The following SLC12A7 variants were observed in gnomAD, a reference collection of about 807,000 sequenced individuals.
SLC12A7 encodes the protein solute carrier family 12 member 7, also known as K-Cl cotransporter 4.
Under a neutral mutation model 120.6 loss-of-function variants are expected in SLC12A7, and 100 were observed. The ratio of observed to expected loss-of-function variants is 0.83; its 90% CI spans 0.71 to 0.98. The LOEUF is 0.98. Among genes scored for constraint, SLC12A7 ranks in the 50% least tolerant of loss-of-function variants. The probability of loss-of-function intolerance (pLI) is 0.00; values close to 1 mark genes in which losing one functional copy is unlikely to be tolerated. For missense variants in SLC12A7, 1,373 were observed against 1,548.1 expected, an observed-to-expected ratio of 0.89 and a Z score of 1.90; for synonymous variants, 760 against 678.0, an observed-to-expected ratio of 1.12 and a Z score of -1.88.
At chr5:1,115,652 A>T (rs1193870335), upstream of SLC12A7, among the ~76,000 whole-genome samples, 2 of 152,156 alleles carry the variant, frequency 1.3e-5, no homozygotes, top group Non-Finnish European at 2.9e-5. Context: ...CTCCGTGTCC[A>T]GGGAAGGGGA....
intron 9 of SLC12A7, among the ~76,000 whole-genome samples, 168 bp from the exon 10 acceptor site, chr5:1,079,664 G>A (rs1738784988): frequency 6.6e-6 from 1 of 152,196 alleles, no homozygotes; most frequent in Non-Finnish European, 1.5e-5. Flanking sequence ...TACTGCGGCT[G>A]AGGGGATGCG....
chr5:1,085,886 G>A (rs144383840), intron 6 of SLC12A7, among the ~76,000 whole-genome samples: 1,748 of 152,326 alleles, frequency 0.011, 31 homozygotes, highest in African/African-American at 0.035. Flanking sequence ...CAGAGAGCTC[G>A]GCCCACCCCG....
chr5:1,092,839 A>C (rs1350317496), intron 3 of SLC12A7, among the ~76,000 whole-genome samples: 1 of 152,132 alleles, frequency 6.6e-6, no homozygotes, highest in Non-Finnish European at 1.5e-5. Flanking sequence ...GCACCCCCAC[A>C]GCGAGGACCT....
At chr5:1,065,755 A>AGTT (rs1380682615) in intron 17 of SLC12A7, among the ~76,000 whole-genome samples, 13 of 152,230 alleles carry the variant, frequency 8.5e-5, no homozygotes, top group Admixed American at 2.6e-4. Context: ...AACGCCAGGC[A>AGTT]GTTCTCTGAG....
chr5:1,078,504 A>C (rs1738618819), intron 11 of SLC12A7, 197 bp downstream of exon 11: 1 of 630,474 alleles, frequency 1.6e-6, no homozygotes, highest in African/African-American at 1.8e-5. Context: ...TTGGCTCTGA[A>C]CGGTTCCCCA....
Position 1,083,873 on chromosome 5 carries a change from G to A in SLC12A7, c.1001C>T (p.Ala334Val), listed in dbSNP as rs765281260. 1.2e-6 allele frequency: 2 copies of A among 1,608,206 alleles called. No individual in the cohort carries two copies. Among genetic ancestry groups the A allele is most frequent in the East Asian group, 2.2e-5 (1 of 44,796 alleles). Reference sequence around the variant, plus strand: ...GAAGAGGCCCCAGAGCGCGGAGGTGGCTGAGTTGTTGTGGATGCCGTAGGC... The same window carrying A: ...GAAGAGGCCCCAGAGCGCGGAGGTGACTGAGTTGTTGTGGATGCCGTAGGC... ...VKAYGIHNNS[A>V]TSALWGLFCN... The change falls in exon 8 of 24, where the codon GCC becomes GTC. Residue 334 changes from alanine to valine, a missense_variant. Transcript: ENST00000264930.
At chr5:1,133,668 C>T in the SLC12A7 span, among the ~76,000 whole-genome samples, 13 of 152,284 alleles carry the variant, frequency 8.5e-5, no homozygotes, top group South Asian at 6.2e-4. Flanking sequence ...CTGTCAGAGA[C>T]GGGAGGCTGG....
At chr5:1,118,027 G>C in the SLC12A7 span, among the ~76,000 whole-genome samples, 4 of 152,186 alleles carry the variant, frequency 2.6e-5, no homozygotes, top group African/African-American at 9.7e-5. Flanking sequence ...AGTGAGCTGA[G>C]AGCACGCCAC....
rs759199235 is a variant in SLC12A7, at chr5:1,052,264, G to C, written c.*96C>G. 1 of 1,031,894 alleles carries C rather than the reference G, an allele frequency of 9.7e-7. No individual in the cohort carries two copies. The highest frequency in any genetic ancestry group is 1.3e-5 in the South Asian group (1 of 78,208). 63.9% of individuals were successfully genotyped at this position (1,031,894 alleles called of 1,614,324 possible). On this transcript the variant is annotated 3_prime_UTR_variant, in exon 24 of 24. Transcript: ENST00000264930. ...CTTGGGCGGCATCACTGGGGGACAG[G>C]TGTGTCTGCCGTCTGTTTCCCTGGG... is the stretch of plus-strand genomic sequence containing the variant.
chr5:1,123,642 G>A, the SLC12A7 span, among the ~76,000 whole-genome samples: 5 of 152,240 alleles, frequency 3.3e-5, no homozygotes, highest in Admixed American at 6.5e-5. Flanking sequence ...CTGAGGGGCC[G>A]GGGGCCGCGG....
At chr5:1,066,742 C>A (rs538445157) in intron 17 of SLC12A7, among the ~76,000 whole-genome samples, 9 of 152,174 alleles carry the variant, frequency 5.9e-5, no homozygotes, top group Non-Finnish European at 1.5e-5. Context: ...GAAGAGACTG[C>A]GTGGAGGCAC....
chr5:1,110,524 T>A (rs1462680754), intron 1 of SLC12A7, among the ~76,000 whole-genome samples: 2 of 152,188 alleles, frequency 1.3e-5, no homozygotes, highest in Non-Finnish European at 2.9e-5. Context: ...ACTTACAGTC[T>A]AAAGACAAAA....
chr5:1,091,725 G>A (rs62331218), intron 3 of SLC12A7, among the ~76,000 whole-genome samples: 3,103 of 150,702 alleles, frequency 0.021, 31 homozygotes, highest in Middle Eastern at 0.041. Flanking sequence ...ATTCCGCGGC[G>A]TCCACGTGCG....
rs769924000 is a variant in SLC12A7 at position 1,076,850 on chromosome 5, C to A, written c.1630-38G>T. 4 of 1,387,262 alleles carry A rather than the reference C, an allele frequency of 2.9e-6. No homozygotes were observed. In the South Asian group the frequency reaches 4.6e-5, roughly 16 times the overall value. The allele number at this position is 1,387,262 out of a possible 1,614,324, so 85.9% of individuals were successfully genotyped here. A position where few individuals can be genotyped will look rare whatever the true frequency, so the allele number is the denominator to read the frequency against. On this transcript the variant is annotated intron_variant, in intron 12 of 23. Coordinates refer to ENST00000264930, the MANE Select transcript of SLC12A7 (RefSeq NM_006598.3). ...GGGCAGGAAGATGGGGCAGATGACA[C>A]CACCCTTTTAGGAGAGAAGCTGCAG...
intron 12 of SLC12A7, among the ~76,000 whole-genome samples, chr5:1,077,193 GTGTGCC>G (rs1738453628): frequency 6.6e-6 from 1 of 152,198 alleles, no homozygotes; most frequent in Non-Finnish European, 1.5e-5. Flanking sequence ...CACGGGGCCT[GTGTGCC>G]TGTCCCCTTC....
chr5:1,145,531 C>G, the SLC12A7 span, among the ~76,000 whole-genome samples: 13 of 152,244 alleles, frequency 8.5e-5, no homozygotes, highest in Admixed American at 7.8e-4. The surrounding 1 kb of genome is among the most constrained non-coding windows in gnomAD (Gnocchi z 4.4). Flanking sequence ...CTGCCAGCCC[C>G]TTCACTGACC....
At chr5:1,078,067 A>T in intron 11 of SLC12A7, 60 bp from the exon 12 acceptor site, 2 of 1,503,642 alleles carry the variant, frequency 1.3e-6, no homozygotes, top group Non-Finnish European at 1.8e-6. Context: ...GTCAGACAAA[A>T]TGTCTTCTCC....
Position 1,064,270 on chromosome 5 carries a change from C to T in SLC12A7, c.2438-18G>A, listed in dbSNP as rs1173919567. ...GACGGTGTCTGCGGAGAGAGGCGGC[C>T]GTCCGCAGGTCATCTGAGGCCAGGG... is the stretch of plus-strand genomic sequence containing the variant. On this transcript the variant is annotated intron_variant, in intron 18 of 23. Coordinates refer to ENST00000264930, the MANE Select transcript of SLC12A7 (RefSeq NM_006598.3). 19 of 1,599,524 alleles carry T rather than the reference C, an allele frequency of 1.2e-5. No homozygotes were observed. Among genetic ancestry groups the T allele is most frequent in the East Asian group, 4.5e-5 (2 of 44,686 alleles).
At chr5:1,076,007 G>A (rs1738285689) in intron 14 of SLC12A7, 131 bp downstream of exon 14, 4 of 699,026 alleles carry the variant, frequency 5.7e-6, no homozygotes, top group Non-Finnish European at 9.5e-6. Flanking sequence ...CAGAGCAGCT[G>A]GCCTTGTAGA....
Sources: gnomAD v4.1 joint callset for allele counts (sites outside exome capture counted in the v4.1 genomes callset) on GRCh38, gnomAD v4.1.1 for gene constraint, Gnocchi (gnomAD v3.1) non-coding constraint, MANE v1.5 for transcripts, NCBI Gene and HGNC (gene_info 2026-07-23, HGNC 2026-07-21) for gene names.